The following ATXN2 variants were observed in gnomAD, a reference collection of about 807,000 sequenced individuals.
ATXN2 encodes the protein ataxin 2.
A neutral mutation model predicts 138.6 loss-of-function variants in ATXN2; 37 were observed. The ratio of observed to expected loss-of-function variants is 0.27; its 90% CI spans 0.21 to 0.35. The LOEUF is 0.35. Among genes scored for constraint, ATXN2 ranks in the 10% least tolerant of loss-of-function variants. The pLI is 1.00. For missense variants in ATXN2, 1,216 were observed against 1,480.3 expected, an observed-to-expected ratio of 0.82 and a Z score of 2.93; for synonymous variants, 549 against 543.7, an observed-to-expected ratio of 1.01 and a Z score of -0.13.
chr12:111,570,948 T>G (rs1339949488), intron 1 of ATXN2, among the ~76,000 whole-genome samples: 3 of 152,220 alleles, frequency 2.0e-5, no homozygotes, highest in Non-Finnish European at 4.4e-5. Flanking sequence ...CAACCTTAAC[T>G]TGCTGGTGTA....
intron 18 of ATXN2, among the ~76,000 whole-genome samples, chr12:111,478,589 A>G (rs1876992606): frequency 6.6e-6 from 1 of 152,236 alleles, no homozygotes; most frequent in South Asian, 2.1e-4. Context: ...AATTAAAAAG[A>G]TAACACAATA....
At chr12:111,597,128 T>TG (rs1292482520) in intron 1 of ATXN2, among the ~76,000 whole-genome samples, 1 of 121,116 alleles carries the variant, frequency 8.3e-6, no homozygotes, top group Non-Finnish European at 1.6e-5. Flanking sequence ...AAGTAGTGTT[T>TG]GGGATGCTTC....
chr12:111,583,349 T>C (rs1592928290), intron 1 of ATXN2, among the ~76,000 whole-genome samples: 1 of 152,132 alleles, frequency 6.6e-6, no homozygotes, highest in Admixed American at 6.6e-5. Context: ...AGTGGCTGAG[T>C]AACTTGCCCA....
At chr12:111,464,247 GGTGTGTGTGTGTGTGTGT>G (rs57717176) in intron 21 of ATXN2, among the ~76,000 whole-genome samples, 1 of 134,628 alleles carries the variant, frequency 7.4e-6, no homozygotes, top group Non-Finnish European at 1.6e-5. Flanking sequence ...TGTGGCTTGG[GGTGTGTGTGTGTGTGTGT>G]GTGTGTGTGT....
intron 1 of ATXN2, among the ~76,000 whole-genome samples, chr12:111,565,859 G>C (rs943703432): frequency 6.6e-6 from 1 of 151,976 alleles, no homozygotes; most frequent in African/African-American, 2.4e-5. Flanking sequence ...AGCCAGACGT[G>C]GTGGTGGGCG....
chr12:111,470,295 C>T, intron 19 of ATXN2, 55 bp from the exon 20 acceptor site: 1 of 1,575,494 alleles, frequency 6.3e-7, no homozygotes, highest in Admixed American at 1.8e-5. Flanking sequence ...TAGAGCCAAG[C>T]AGACTTTAGT....
At chr12:111,503,909 C>T (rs112839900) in intron 14 of ATXN2, among the ~76,000 whole-genome samples, 12 of 152,224 alleles carry the variant, frequency 7.9e-5, no homozygotes, top group African/African-American at 2.6e-4. Context: ...TTTTTAAAAA[C>T]CACTTCTTTT....
At chr12:111,527,930 G>A (rs1190286972) in intron 5 of ATXN2, among the ~76,000 whole-genome samples, 1 of 152,070 alleles carries the variant, frequency 6.6e-6, no homozygotes, top group Non-Finnish European at 1.5e-5. Flanking sequence ...TTTCAAGAAT[G>A]TAAAATGTTC....
intron 1 of ATXN2, among the ~76,000 whole-genome samples, chr12:111,584,389 A>C (rs1884202308): frequency 7.0e-6 from 1 of 142,474 alleles, no homozygotes. Context: ...AAAAAAAAAA[A>C]AAAAAAAAAA....
chr12:111,464,848 C>CT, intron 20 of ATXN2, 133 bp from the exon 21 acceptor site: 1 of 666,540 alleles, frequency 1.5e-6, no homozygotes, highest in Non-Finnish European at 2.7e-6. Flanking sequence ...ATGACAAGCA[C>CT]TTTAAACACT....
intron 14 of ATXN2, among the ~76,000 whole-genome samples, chr12:111,493,659 T>C (rs889493803): frequency 2.0e-5 from 3 of 151,852 alleles, no homozygotes; most frequent in African/African-American, 7.3e-5. Flanking sequence ...GACAGAGTCT[T>C]GCTCTGCTGC....
intron 1 of ATXN2, among the ~76,000 whole-genome samples, chr12:111,596,205 AACACACACAC>A (rs35316415): frequency 0.04 from 5,651 of 141,822 alleles, 351 homozygotes; most frequent in African/African-American, 0.14. Context: ...TTCCATCCAA[AACACACACAC>A]ACACACACAC....
At chr12:111,506,777 C>T (rs1476858064) in intron 14 of ATXN2, among the ~76,000 whole-genome samples, 1 of 152,162 alleles carries the variant, frequency 6.6e-6, no homozygotes, top group African/African-American at 2.4e-5. Context: ...GATTCTCCTG[C>T]CTCAGCCTGC....
At chr12:111,486,953 C>T (rs900502707) in intron 15 of ATXN2, 129 bp from the exon 16 acceptor site, 10 of 716,246 alleles carry the variant, frequency 1.4e-5, no homozygotes, top group East Asian at 5.5e-5. Flanking sequence ...GATCACTAAT[C>T]GTTTTTATTG....
Position 111,453,169 on chromosome 12 carries a change from C to A in ATXN2, c.3440-329G>T. 1 of 1,145,690 alleles carries A rather than the reference C, an allele frequency of 8.7e-7. No homozygotes were observed. Among genetic ancestry groups the A allele is most frequent in the Non-Finnish European group, 1.1e-6 (1 of 931,430 alleles). 71.0% of individuals were successfully genotyped at this position (1,145,690 alleles called of 1,614,324 possible). On this transcript the variant is annotated intron_variant, in intron 24 of 24. Coordinates refer to ENST00000673436, the MANE Select transcript of ATXN2 (RefSeq NM_001372574.1). This position sits in a 1 kb window ranked among gnomAD's most constrained non-coding sequence, Gnocchi z 5.4. ...AATAACAGGTCAGACTGTGAAGTAT[C>A]GCCATGGCAGCCATCAAGTAGTAGA...
At chr12:111,580,305 A>C (rs1883922891) in intron 1 of ATXN2, among the ~76,000 whole-genome samples, 1 of 151,848 alleles carries the variant, frequency 6.6e-6, no homozygotes, top group African/African-American at 2.4e-5. Flanking sequence ...ACAGAGCAAG[A>C]TCCTATCTCC....
chr12:111,584,227 C>T (rs1884186462), intron 1 of ATXN2, among the ~76,000 whole-genome samples: 1 of 150,750 alleles, frequency 6.6e-6, no homozygotes, highest in South Asian at 2.1e-4. Context: ...TCAAAAAATA[C>T]AAAAATTAGC....
At chr12:111,527,529 A>C (rs1880566834) in intron 5 of ATXN2, among the ~76,000 whole-genome samples, 1 of 152,162 alleles carries the variant, frequency 6.6e-6, no homozygotes, top group African/African-American at 2.4e-5. Context: ...CTTATCCCAA[A>C]CTAGGTGTGG....
In ATXN2 at chr12:111,575,200, CTT is replaced by C. The variant is rs893691811; in HGVS notation, c.252-19283_252-19282del. On this transcript the variant is annotated intron_variant, in intron 1 of 24. Coordinates refer to ENST00000673436, the MANE Select transcript of ATXN2 (RefSeq NM_001372574.1). ...CTGAAGCACTAAAAAGAACAAGACC[CTT>C]AGCAACATACCAGACTGCTGATAAG... Among the ~76,000 whole-genome samples the C allele has an allele frequency of 2.2e-4, 33 of 152,036 alleles. 1 individual carries two copies. The highest frequency in any genetic ancestry group is 6.2e-4 in the South Asian group (3 of 4,824).
Sources: gnomAD v4.1 joint callset for allele counts (sites outside exome capture counted in the v4.1 genomes callset) on GRCh38, gnomAD v4.1.1 for gene constraint, Gnocchi (gnomAD v3.1) non-coding constraint, MANE v1.5 for transcripts, NCBI Gene and HGNC (gene_info 2026-07-23, HGNC 2026-07-21) for gene names.